Variants in SUPT3H observed in about 807,000 individuals in gnomAD.
The protein encoded by SUPT3H is transcription initiation protein SPT3 homolog.
In SUPT3H, 44 loss-of-function variants were observed where a neutral mutation model predicts 44.3. The observed-to-expected ratio is 0.99, with a 90% CI of 0.78 to 1.28. SUPT3H has a LOEUF of 1.28. SUPT3H is among the 50% of genes most tolerant of loss of function. SUPT3H has a pLI of 0.00. For missense variants in SUPT3H, 380 were observed against 387.1 expected, an observed-to-expected ratio of 0.98 and a Z score of 0.15; for synonymous variants, 124 against 125.6, an observed-to-expected ratio of 0.99 and a Z score of 0.09.
intron 11 of SUPT3H, among the ~76,000 whole-genome samples, chr6:44,815,956 C>G (rs1766880004): frequency 6.6e-6 from 1 of 151,986 alleles, no homozygotes; most frequent in Admixed American, 6.6e-5. Context: ...CACAAGTTTT[C>G]AAGTGCATAT....
chr6:45,290,941 C>T (rs1364379748), intron 2 of SUPT3H, among the ~76,000 whole-genome samples: 2 of 152,154 alleles, frequency 1.3e-5, no homozygotes, highest in Non-Finnish European at 2.9e-5. Flanking sequence ...ATGGACAGAG[C>T]AGCATGTGGA....
intron 2 of SUPT3H, among the ~76,000 whole-genome samples, chr6:45,318,279 G>A (rs1784995367): frequency 6.6e-6 from 1 of 152,052 alleles, no homozygotes. Context: ...AGGATAGGAG[G>A]TGCACAGAGG....
At chr6:45,030,503 T>G (rs559255021) in intron 3 of SUPT3H, among the ~76,000 whole-genome samples, 1 of 152,192 alleles carries the variant, frequency 6.6e-6, no homozygotes, top group African/African-American at 2.4e-5. Flanking sequence ...CTTAGTTTTT[T>G]TCAGAACTCT....
chr6:45,318,903 T>C (rs1785085980), intron 2 of SUPT3H, among the ~76,000 whole-genome samples: 1 of 152,108 alleles, frequency 6.6e-6, no homozygotes, highest in South Asian at 2.1e-4. Context: ...ACATGATCAT[T>C]ATATAACTTT....
At chr6:44,870,682 TC>T (rs1421189209) in intron 10 of SUPT3H, among the ~76,000 whole-genome samples, 1 of 149,762 alleles carries the variant, frequency 6.7e-6, no homozygotes, top group Non-Finnish European at 1.5e-5. Flanking sequence ...AGTCTACAGC[TC>T]CCAGCATGAG....
chr6:45,084,469 T>C lies in SUPT3H; in HGVS notation c.186+21453A>G, dbSNP rs573157772. On this transcript the variant is annotated intron_variant, in intron 3 of 10. Transcript: ENST00000371459. ...CCATCTCATACCAATCAAAATAACA[T>C]GTTGGCGAGGCTGCAAAGAAAAAGA... 2.0e-5 allele frequency among the ~76,000 whole-genome samples: 3 copies of C among 151,996 alleles called. No individual in the cohort carries two copies. The South Asian group carries it at 6.2e-4, about 32-fold the overall frequency.
intron 3 of SUPT3H, among the ~76,000 whole-genome samples, chr6:45,065,742 C>A (rs367656845): frequency 6.6e-6 from 1 of 151,660 alleles, no homozygotes; most frequent in Non-Finnish European, 1.5e-5. Flanking sequence ...CACATACACT[C>A]TCCCAAGACT....
intron 10 of SUPT3H, among the ~76,000 whole-genome samples, chr6:44,891,440 T>C (rs1420450983): frequency 1.3e-5 from 2 of 152,154 alleles, no homozygotes; most frequent in Non-Finnish European, 2.9e-5. Context: ...AAAATTCTGA[T>C]ACACATTACA....
chr6:45,126,002 C>G (rs1026997474), intron 2 of SUPT3H, among the ~76,000 whole-genome samples: 2 of 152,000 alleles, frequency 1.3e-5, no homozygotes, highest in African/African-American at 2.4e-5. Context: ...TTCTGAGACC[C>G]AAACATGATC....
Position 44,961,790 on chromosome 6 carries a change from T to C in SUPT3H, c.543A>G (p.Gln181=). The C allele has an allele frequency of 6.2e-7, 1 of 1,605,676 alleles. No individual in the cohort carries two copies. The highest frequency in any genetic ancestry group is 2.2e-5 in the East Asian group (1 of 44,490). ...GTCGACTTTCACAGAATTCTGCATA[T>C]TGAGCTGAATCCATAATTCGAGTTT... is the stretch of plus-strand genomic sequence containing the variant. ...ERQTRIMDSA[Q]YAEFCESRQL... Residue 181 remains glutamine, a synonymous_variant, in exon 7 of 11, where the codon CAA becomes CAG. Coordinates refer to ENST00000371459, the MANE Select transcript of SUPT3H (RefSeq NM_003599.4).
At chr6:45,249,731 C>G (rs78262479) in intron 2 of SUPT3H, among the ~76,000 whole-genome samples, 3,084 of 152,174 alleles carry the variant, frequency 0.02, 40 homozygotes, top group Non-Finnish European at 0.032. Flanking sequence ...CTTCACCACT[C>G]CTGCAAAACA....
At chr6:45,209,437 C>T (rs890203042) in intron 2 of SUPT3H, among the ~76,000 whole-genome samples, 1 of 152,088 alleles carries the variant, frequency 6.6e-6, no homozygotes. Context: ...CTGATTTCAG[C>T]GCTCATGGAT....
At chr6:44,882,879 C>T (rs1273244962) in intron 10 of SUPT3H, among the ~76,000 whole-genome samples, 1 of 152,112 alleles carries the variant, frequency 6.6e-6, no homozygotes, top group Non-Finnish European at 1.5e-5. Context: ...ATTGATGGAA[C>T]GTATCTCAAA....
chr6:45,196,670 T>C (rs925648004), intron 2 of SUPT3H, among the ~76,000 whole-genome samples: 5 of 151,962 alleles, frequency 3.3e-5, no homozygotes, highest in Non-Finnish European at 4.4e-5. Context: ...TAATTTTAAA[T>C]TGACTGAAGG....
chr6:45,058,919 T>G (rs2153540785), intron 3 of SUPT3H, among the ~76,000 whole-genome samples: 1 of 152,236 alleles, frequency 6.6e-6, no homozygotes, highest in South Asian at 2.1e-4. Context: ...ATAAAGCTGT[T>G]TTTGATGCTT....
chr6:45,114,065 A>G (rs1800483508), intron 2 of SUPT3H, among the ~76,000 whole-genome samples: 1 of 152,002 alleles, frequency 6.6e-6, no homozygotes, highest in Admixed American at 6.5e-5. Flanking sequence ...TATTTATGAT[A>G]TAAAATAAAT....
intron 10 of SUPT3H, among the ~76,000 whole-genome samples, chr6:44,841,472 C>T (rs1158285065): frequency 2.0e-5 from 3 of 152,140 alleles, no homozygotes; most frequent in South Asian, 2.1e-4. Flanking sequence ...TGTTTAAAGA[C>T]ACCCACATAG....
intron 2 of SUPT3H, among the ~76,000 whole-genome samples, chr6:45,290,499 G>A (rs1367069067): frequency 6.7e-6 from 1 of 148,724 alleles, no homozygotes; most frequent in African/African-American, 2.5e-5. Flanking sequence ...TGGAATGGAA[G>A]AGAAATCTAG....
rs58120512 is a variant in SUPT3H at position 45,100,541 on chromosome 6, T to TAAAAAAAAAAAAAAAAAA, written c.186+5363_186+5380dup. 9.0e-5 allele frequency among the ~76,000 whole-genome samples: 3 copies of TAAAAAAAAAAAAAAAAAA among 33,452 alleles called. 1 individual carries two copies. The highest frequency in any genetic ancestry group is 3.5e-4 in the African/African-American group (2 of 5,656). 21.9% of individuals were successfully genotyped at this position (33,452 alleles called of 152,430 possible). A position where few individuals can be genotyped will look rare whatever the true frequency, so the allele number is the denominator to read the frequency against. On this transcript the variant is annotated intron_variant, in intron 3 of 10. Transcript: ENST00000371459. ...GGGCATCATAGCAAGACCCTGTACT[T>TAAAAAAAAAAAAAAAAAA]AAAAAAAAAAAAAAAAAAAAAAAGA...
Sources: gnomAD v4.1 joint callset for allele counts (sites outside exome capture counted in the v4.1 genomes callset) on GRCh38, gnomAD v4.1.1 for gene constraint, MANE v1.5 for transcripts, NCBI Gene and HGNC (gene_info 2026-07-23, HGNC 2026-07-21) for gene names.